Variants in CEP85L observed in about 807,000 individuals in gnomAD.
CEP85L encodes centrosomal protein of 85 kDa-like.
Under a neutral mutation model 100.3 loss-of-function variants are expected in CEP85L, and 60 were observed. The observed-to-expected ratio is 0.60, with a 90% CI of 0.49 to 0.74. The LOEUF (loss-of-function observed/expected upper bound fraction) is 0.74, where lower values mean the gene tolerates loss of function less well. Ranked by LOEUF, CEP85L falls within the 30% of genes least tolerant of loss-of-function variation. CEP85L has a pLI of 0.00. For synonymous variants in CEP85L, 319 were observed against 322.7 expected (o/e 0.99, Z 0.12); for missense variants, 973 against 936.2 (o/e 1.04, Z -0.51).
rs539433153 is a variant in CEP85L at position 118,601,302 on chromosome 6, C to T, written c.232+31151G>A. ...TAAAGGCTATCAGTTATTACAGAGC[C>T]GCATTTCCCACCTTTGCTCAAACCC... is the stretch of plus-strand genomic sequence containing the variant. On this transcript the variant is annotated intron_variant, in intron 2 of 12. Coordinates refer to ENST00000368491, the MANE Select transcript of CEP85L (RefSeq NM_001042475.3). Among the ~76,000 whole-genome samples the T allele has an allele frequency of 3.8e-4, 58 of 152,124 alleles. 1 individual carries two copies. The highest frequency in any genetic ancestry group is 2.4e-5 in the African/African-American group (1 of 41,416).
At chr6:118,541,731 C>A (rs1337400626) in intron 3 of CEP85L, among the ~76,000 whole-genome samples, 2 of 152,146 alleles carry the variant, frequency 1.3e-5, no homozygotes, top group African/African-American at 4.8e-5. Flanking sequence ...CTCCCTCATC[C>A]TTAGAGCAGG....
chr6:118,581,800 T>C (rs2115078470), intron 2 of CEP85L, among the ~76,000 whole-genome samples: 1 of 152,260 alleles, frequency 6.6e-6, no homozygotes, highest in South Asian at 2.1e-4. Flanking sequence ...CCTTCAACCC[T>C]GAGACTTTGA....
intron 2 of CEP85L, among the ~76,000 whole-genome samples, chr6:118,595,979 C>A (rs1429028467): frequency 6.6e-6 from 1 of 152,074 alleles, no homozygotes; most frequent in Non-Finnish European, 1.5e-5. Flanking sequence ...TGATAATACA[C>A]AAATTTCATG....
upstream of CEP85L, among the ~76,000 whole-genome samples, chr6:118,655,106 A>G (rs1389286162): frequency 6.6e-6 from 1 of 152,192 alleles, no homozygotes; most frequent in Admixed American, 6.5e-5. Flanking sequence ...CCTTCATTCT[A>G]GGCTGTGATT....
In CEP85L at chr6:118,469,164, C is replaced by G; in HGVS notation, c.2162G>C (p.Cys721Ser). 6.2e-7 allele frequency: 1 copy of G among 1,614,054 alleles called. No individual in the cohort carries two copies. Among genetic ancestry groups the G allele is most frequent in the Non-Finnish European group, 8.5e-7 (1 of 1,179,948 alleles). Residue 721 changes from cysteine (C) to serine (S), a missense_variant, in exon 12 of 13, where the codon TGT (cysteine) becomes TCT (serine). By Grantham distance (112) the Cys-to-Ser change is moderately radical. This residue lies in a region of CEP85L where 890 missense variants were observed against 844.5 expected (regional missense o/e 1.05). Coordinates refer to ENST00000368491, the MANE Select transcript of CEP85L (RefSeq NM_001042475.3). ...VIDQLFKEMSCCLFDLKALCS... is the reference protein window; with the variant it reads ...VIDQLFKEMSSCLFDLKALCS... ...CAATGCTTTCAAGTCAAACAAACAA[C>G]AGGACATTTCCTTGAACAGCTGATC... is the stretch of plus-strand genomic sequence containing the variant.
chr6:118,640,335 T>G (rs1049059658), intron 1 of CEP85L, among the ~76,000 whole-genome samples: 1 of 57,056 alleles, frequency 1.8e-5, no homozygotes, highest in Middle Eastern at 0.011. Context: ...ATTACCAGTA[T>G]AGCTCAGTGT....
chr6:118,602,463 T>A (rs565524444), intron 2 of CEP85L, among the ~76,000 whole-genome samples: 1 of 152,304 alleles, frequency 6.6e-6, no homozygotes, highest in African/African-American at 2.4e-5. Flanking sequence ...TGCCCAGAAT[T>A]AGAATACTGA....
chr6:118,481,995 CTG>C, intron 7 of CEP85L, 62 bp from the exon 8 acceptor site: 1 of 949,722 alleles, frequency 1.1e-6, no homozygotes, highest in African/African-American at 1.8e-5. Flanking sequence ...CTATTAGAAA[CTG>C]TTACTGTGTT....
chr6:118,562,907 C>T (rs1055275617), intron 3 of CEP85L, among the ~76,000 whole-genome samples: 1 of 152,128 alleles, frequency 6.6e-6, no homozygotes, highest in Non-Finnish European at 1.5e-5. Flanking sequence ...TGGATACTGC[C>T]GTTACGTGTA....
chr6:118,533,557 G>A (rs7749694), intron 3 of CEP85L, among the ~76,000 whole-genome samples: 107,283 of 151,900 alleles, frequency 0.71, 38,595 homozygotes, highest in Middle Eastern at 0.75. Flanking sequence ...AATCCTCCAC[G>A]AACTCAGAGG....
At chr6:118,482,855 G>A (rs1392170502) in intron 7 of CEP85L, among the ~76,000 whole-genome samples, 1 of 152,092 alleles carries the variant, frequency 6.6e-6, no homozygotes. Context: ...AACAGAGAAT[G>A]CAACATAGGT....
intron 10 of CEP85L, among the ~76,000 whole-genome samples, chr6:118,477,692 G>A (rs932535139): frequency 6.6e-6 from 1 of 152,072 alleles, no homozygotes; most frequent in East Asian, 1.9e-4. Flanking sequence ...TAAAGAGGCA[G>A]TAACACATGA....
upstream of CEP85L, among the ~76,000 whole-genome samples, chr6:118,656,569 T>C (rs905034695): frequency 3.9e-5 from 6 of 152,224 alleles, no homozygotes; most frequent in African/African-American, 1.2e-4. Flanking sequence ...GGAATGTAGT[T>C]GGCTGACAGC....
chr6:118,487,181 T>A (rs1338018613), intron 6 of CEP85L, among the ~76,000 whole-genome samples: 1 of 152,162 alleles, frequency 6.6e-6, no homozygotes, highest in Non-Finnish European at 1.5e-5. Context: ...GCCAAGTATT[T>A]ACCATGCAAA....
rs1024254535 is a variant in CEP85L, at chr6:118,463,210, C to T, written c.*2195G>A. On this transcript the variant is annotated 3_prime_UTR_variant, in exon 13 of 13. Transcript: ENST00000368491. ...CCCCAACTAAGCCAAAAAACAAAAA[C>T]GTATCTATAGTAGATTAAAACAAAC... The T allele has an allele frequency of 2.8e-4, 42 of 151,508 alleles. No individual in the cohort carries two copies. The highest frequency in any genetic ancestry group is 7.7e-4 in the African/African-American group (32 of 41,330). 9.4% of individuals were successfully genotyped at this position (151,508 alleles called of 1,614,324 possible). A position where few individuals can be genotyped will look rare whatever the true frequency, so the allele number is the denominator to read the frequency against.
At chr6:118,528,665 T>G (rs1777112815) in intron 3 of CEP85L, among the ~76,000 whole-genome samples, 1 of 152,154 alleles carries the variant, frequency 6.6e-6, no homozygotes, top group Admixed American at 6.5e-5. Flanking sequence ...GACTTAAAAG[T>G]AATTTTTTAA....
chr6:118,522,874 CAA>C (rs11291728), intron 4 of CEP85L, among the ~76,000 whole-genome samples: 64 of 134,838 alleles, frequency 4.7e-4, no homozygotes, highest in Middle Eastern at 3.5e-3. Flanking sequence ...CTGAGACTCC[CAA>C]AAAAAAAAAA....
At chr6:118,476,037 G>C (rs1414718310) in intron 10 of CEP85L, among the ~76,000 whole-genome samples, 1 of 152,134 alleles carries the variant, frequency 6.6e-6, no homozygotes, top group Non-Finnish European at 1.5e-5. Context: ...CAAATAATGT[G>C]AGTATCCATA....
In CEP85L at chr6:118,558,626, T is replaced by C. The variant is rs367703760; in HGVS notation, c.1020+6903A>G. On this transcript the variant is annotated intron_variant, in intron 3 of 12. Coordinates refer to ENST00000368491, the MANE Select transcript of CEP85L (RefSeq NM_001042475.3). ...ACAGACACATAGAAACACGTGCACATACACACACACACACACACACACACA... is the reference window on the plus strand; with the variant it reads ...ACAGACACATAGAAACACGTGCACACACACACACACACACACACACACACA... Among the ~76,000 whole-genome samples the C allele has an allele frequency of 3.9e-3, 441 of 111,672 alleles. 2 individuals are homozygous for C. Among genetic ancestry groups the C allele is most frequent in the African/African-American group, 0.01 (322 of 30,864 alleles). 73.3% of individuals were successfully genotyped at this position (111,672 alleles called of 152,430 possible). A position where few individuals can be genotyped will look rare whatever the true frequency, so the allele number is the denominator to read the frequency against.
Sources: allele counts gnomAD v4.1 joint callset (sites outside exome capture counted in the v4.1 genomes callset), GRCh38; gene constraint gnomAD v4.1.1; regional missense constraint gnomAD v4.1.1; transcripts MANE v1.5; gene names NCBI Gene and HGNC (gene_info 2026-07-23, HGNC 2026-07-21).